ARNT2: variants seen among roughly 807,000 people sequenced by gnomAD.
ARNT2 encodes ARNT protein 2.
ARNT2 carries 36 observed loss-of-function variants against 91.7 expected under a neutral mutation model. The observed-to-expected ratio is 0.39, with a 90% CI of 0.30 to 0.52. ARNT2 has a LOEUF of 0.52. Ranked by LOEUF, ARNT2 falls within the 20% of genes least tolerant of loss-of-function variation. The probability of loss-of-function intolerance (pLI) is 0.72; values close to 1 mark genes in which losing one functional copy is unlikely to be tolerated. For synonymous variants in ARNT2, 365 were observed against 347.1 expected, an observed-to-expected ratio of 1.05 and a Z score of -0.57; for missense variants, 775 against 939.3, an observed-to-expected ratio of 0.83 and a Z score of 2.29.
At chr15:80,451,829 C>T (rs1896398166) in intron 2 of ARNT2, among the ~76,000 whole-genome samples, 1 of 152,242 alleles carries the variant, frequency 6.6e-6, no homozygotes, top group African/African-American at 2.4e-5. Flanking sequence ...CTCAAGATAT[C>T]ACCTAGCCCC....
chr15:80,559,060 G>A (rs1035823098), intron 11 of ARNT2, among the ~76,000 whole-genome samples: 1 of 152,124 alleles, frequency 6.6e-6, no homozygotes, highest in Non-Finnish European at 1.5e-5. Flanking sequence ...GCCTGCCCCA[G>A]GTTACAGAGC....
intron 8 of ARNT2, among the ~76,000 whole-genome samples, chr15:80,521,291 G>C (rs1293611223): frequency 6.6e-6 from 1 of 152,008 alleles, no homozygotes; most frequent in African/African-American, 2.4e-5. Flanking sequence ...CTGGCAGCAA[G>C]TTACACTTTT....
chr15:80,477,029 C>T (rs1242200657), intron 5 of ARNT2, among the ~76,000 whole-genome samples: 3 of 152,152 alleles, frequency 2.0e-5, no homozygotes, highest in Non-Finnish European at 4.4e-5. Context: ...GTGTGTAGTA[C>T]CTTCCCACTC....
At position 80,591,677 on chromosome 15, in the gene ARNT2, G is replaced by A; in HGVS notation, c.2028G>A (p.Gln676=). 6.2e-7 allele frequency: 1 copy of A among 1,614,076 alleles called. No individual in the cohort carries two copies. Among genetic ancestry groups the A allele is most frequent in the Non-Finnish European group, 8.5e-7 (1 of 1,179,940 alleles). ...GQQSGEQHSH[Q]QPGQTEVFQD... is the part of the protein sequence containing the mutation. ...AGAGCGGTGAGCAGCACTCCCACCA[G>A]CAGCCCGGTCAGACTGAAGTGTTCC... is the stretch of plus-strand genomic sequence containing the variant. Residue 676 remains glutamine, a synonymous_variant, in exon 18 of 19, where the codon CAG becomes CAA. Transcript: ENST00000303329. This position sits in a 1 kb window ranked among gnomAD's most constrained non-coding sequence, Gnocchi z 5.1.
At chr15:80,494,256 T>G (rs1897095710) in intron 5 of ARNT2, among the ~76,000 whole-genome samples, 1 of 152,188 alleles carries the variant, frequency 6.6e-6, no homozygotes, top group Non-Finnish European at 1.5e-5. Context: ...CTTTTACTGT[T>G]TTTCTTCATG....
At chr15:80,531,348 T>C (rs1897737312) in intron 8 of ARNT2, among the ~76,000 whole-genome samples, 1 of 152,240 alleles carries the variant, frequency 6.6e-6, no homozygotes, top group African/African-American at 2.4e-5. Context: ...GTGTTGTTTA[T>C]ATTACTCAGG....
chr15:80,530,132 G>T (rs1331728909), intron 8 of ARNT2, among the ~76,000 whole-genome samples: 3 of 152,078 alleles, frequency 2.0e-5, no homozygotes, highest in Non-Finnish European at 4.4e-5. Flanking sequence ...CTATGTGGTT[G>T]TCCACTTTTG....
intron 8 of ARNT2, among the ~76,000 whole-genome samples, chr15:80,542,884 C>A (rs569599664): frequency 6.6e-6 from 1 of 151,802 alleles, no homozygotes; most frequent in Non-Finnish European, 1.5e-5. Flanking sequence ...CTAAGTATGG[C>A]AAAAGCGCAT....
chr15:80,576,127 T>A (rs7359233), intron 14 of ARNT2, among the ~76,000 whole-genome samples: 1 of 152,044 alleles, frequency 6.6e-6, no homozygotes, highest in African/African-American at 2.4e-5. Context: ...CCTCTTACCT[T>A]GGAGATGGGA....
chr15:80,425,198 C>G (rs1407812671), intron 1 of ARNT2, among the ~76,000 whole-genome samples: 1 of 152,160 alleles, frequency 6.6e-6, no homozygotes, highest in Admixed American at 6.5e-5. Flanking sequence ...CCGAGTAGCT[C>G]ACAACAAGAA....
In ARNT2 at chr15:80,475,122, C is replaced by A. The variant is rs376449985; in HGVS notation, c.521C>A (p.Pro174His). 6.2e-7 allele frequency: 1 copy of A among 1,614,142 alleles called. No individual in the cohort carries two copies. The highest frequency in any genetic ancestry group is 8.5e-7 in the Non-Finnish European group (1 of 1,180,028). The change falls in exon 5 of 19, where the codon CCC becomes CAC. Residue 174 changes from proline (P) to histidine (H), a missense_variant. This residue lies in a region of ARNT2 where 285 missense variants were observed against 327.2 expected (regional missense o/e 0.87). Transcript: ENST00000303329. Reference protein sequence around the residue: ...SDSVTPVLNQPQSEWFGSTLY... With the variant: ...SDSVTPVLNQHQSEWFGSTLY... ...TCCGTCACCCCTGTTCTGAACCAGC[C>A]CCAGTCAGAGTGGTTTGGGAGCACA...
At chr15:80,450,803 T>A in intron 1 of ARNT2, 77 bp from the exon 2 acceptor site, 1 of 1,413,792 alleles carries the variant, frequency 7.1e-7, no homozygotes. Context: ...GTGCTTCTGG[T>A]ACCGTATCAC....
intron 17 of ARNT2, among the ~76,000 whole-genome samples, chr15:80,588,576 A>T: frequency 6.6e-6 from 1 of 151,742 alleles, no homozygotes; most frequent in Non-Finnish European, 1.5e-5. Context: ...CTTATCTCTT[A>T]TGACTTGCCT....
chr15:80,524,888 A>T (rs536095733), intron 8 of ARNT2, among the ~76,000 whole-genome samples: 10 of 152,172 alleles, frequency 6.6e-5, no homozygotes, highest in Admixed American at 3.3e-4. Flanking sequence ...AAAAAAAAAA[A>T]AGAACAAAGT....
At chr15:80,504,521 C>A (rs1395843942) in intron 5 of ARNT2, among the ~76,000 whole-genome samples, 1 of 70 alleles carries the variant, frequency 0.014, no homozygotes, top group Non-Finnish European at 0.038. Flanking sequence ...GTAGTCCCAG[C>A]ACTTTGGAGG....
At chr15:80,532,713 G>T (rs1897758571) in intron 8 of ARNT2, among the ~76,000 whole-genome samples, 1 of 152,208 alleles carries the variant, frequency 6.6e-6, no homozygotes, top group Non-Finnish European at 1.5e-5. Context: ...TTTCATAACT[G>T]TCCTACTGTC....
chr15:80,429,591 A>G (rs539010170), intron 1 of ARNT2, among the ~76,000 whole-genome samples: 74 of 152,328 alleles, frequency 4.9e-4, no homozygotes, highest in African/African-American at 1.7e-3. Context: ...ATAGCAAATC[A>G]TCGAACCTGA....
chr15:80,424,368 C>G (rs957353851), intron 1 of ARNT2, among the ~76,000 whole-genome samples: 5 of 152,228 alleles, frequency 3.3e-5, no homozygotes, highest in Non-Finnish European at 5.9e-5. Context: ...ATCTGGTTTG[C>G]ACACCACTCC....
At chr15:80,495,520 G>T (rs548895164) in intron 5 of ARNT2, among the ~76,000 whole-genome samples, 34 of 152,198 alleles carry the variant, frequency 2.2e-4, no homozygotes, top group Non-Finnish European at 4.3e-4. Context: ...TAGAAGTTTT[G>T]CTTTTAGAAG....
Sources: gnomAD v4.1 joint callset for allele counts (sites outside exome capture counted in the v4.1 genomes callset) on GRCh38, gnomAD v4.1.1 for gene constraint, gnomAD v4.1.1 regional missense constraint, Gnocchi (gnomAD v3.1) non-coding constraint, MANE v1.5 for transcripts, NCBI Gene and HGNC (gene_info 2026-07-23, HGNC 2026-07-21) for gene names.